The following NLRC3 variants were observed in gnomAD, a reference collection of about 807,000 sequenced individuals.
NLRC3 encodes NLR family CARD domain containing 3.
Under a neutral mutation model 91.6 loss-of-function variants are expected in NLRC3, and 87 were observed. The ratio of observed to expected loss-of-function variants is 0.95; its 90% CI spans 0.80 to 1.14. NLRC3 has a LOEUF of 1.14. NLRC3 is among the 50% of genes most tolerant of loss of function. NLRC3 has a pLI of 0.00. For synonymous variants in NLRC3, 694 were observed against 625.3 expected (o/e 1.11, Z -1.64); for missense variants, 1,577 against 1,418.6 (o/e 1.11, Z -1.79).
intron 16 of NLRC3, chr16:3,543,985 C>G (rs1338161428): frequency 2.2e-6 from 1 of 448,938 alleles, no homozygotes; most frequent in Non-Finnish European, 4.0e-6. Context: ...GAAACCCCGT[C>G]TCTACTAAAA....
chr16:3,542,734 A>G lies in NLRC3; in HGVS notation c.2981T>C (p.Leu994Pro). ...TGAGTTTACCTTCAGAGCATTTGCC[A>G]GGGCTTTGGCTCCAGCCACCCCAAT... is the stretch of plus-strand genomic sequence containing the variant. Reference protein sequence around the residue: ...NAIGVAGAKALANALKVNSSL... With the variant: ...NAIGVAGAKAPANALKVNSSL... The change falls in exon 18 of 20, where the codon CTG becomes CCG. Residue 994 changes from leucine (L) to proline (P), a missense_variant. By Grantham distance (98) the Leu-to-Pro change is moderately conservative. Transcript: ENST00000359128. 6.2e-7 allele frequency: 1 copy of G among 1,610,744 alleles called. No individual in the cohort carries two copies. Among genetic ancestry groups the G allele is most frequent in the Non-Finnish European group, 8.5e-7 (1 of 1,178,590 alleles).
At chr16:3,544,141 G>A (rs1356580864) in intron 16 of NLRC3, 105 bp downstream of exon 16, 4 of 692,100 alleles carry the variant, frequency 5.8e-6, no homozygotes, top group Non-Finnish European at 1.0e-5. Context: ...CTGGGTGGCA[G>A]AGCAAGACTC....
chr16:3,562,179 G>A (rs1465044246), intron 5 of NLRC3, among the ~76,000 whole-genome samples: 5 of 152,188 alleles, frequency 3.3e-5, no homozygotes, highest in Non-Finnish European at 7.3e-5. Context: ...TTCTGAGGGG[G>A]TTATGAATTG....
rs1405074383 is a variant in NLRC3 at position 3,548,203 on chromosome 16, G to A, written c.2703C>T (p.Phe901=). The A allele has an allele frequency of 1.3e-6, 2 of 1,593,586 alleles. No individual in the cohort carries two copies. Among genetic ancestry groups the A allele is most frequent in the East Asian group, 4.5e-5 (2 of 44,110 alleles). ...TLTSLHLQWN[F]IQAGAAQALG... Reference sequence around the variant, plus strand: ...GGGCCTGGGCAGCGCCGGCCTGGATGAAGTTCCACTGCAGGCTGGGCAGAC... The same window carrying A: ...GGGCCTGGGCAGCGCCGGCCTGGATAAAGTTCCACTGCAGGCTGGGCAGAC... The change falls in exon 15 of 20, where the codon TTC becomes TTT. Residue 901 remains phenylalanine, a synonymous_variant. Coordinates refer to ENST00000359128, the MANE Select transcript of NLRC3 (RefSeq NM_178844.4).
In NLRC3 at chr16:3,564,226, C is replaced by A; in HGVS notation, c.711G>T (p.Thr237=). The A allele has an allele frequency of 6.2e-7, 1 of 1,613,196 alleles. No homozygotes were observed. Among genetic ancestry groups the A allele is most frequent in the South Asian group, 1.1e-5 (1 of 91,036 alleles). Residue 237 remains threonine, a synonymous_variant, in exon 5 of 20, where the codon ACG becomes ACT. Transcript: ENST00000359128. This position sits in a 1 kb window ranked among gnomAD's most constrained non-coding sequence, Gnocchi z 5.9. ...PLDFSNTVAC[T]DPKKEIPVDH... is the part of the protein sequence containing the mutation. Reference sequence around the variant, plus strand: ...CCACCGGGATCTCCTTCTTTGGGTCCGTGCAGGCCACGGTGTTGGAGAAGT... The same window carrying A: ...CCACCGGGATCTCCTTCTTTGGGTCAGTGCAGGCCACGGTGTTGGAGAAGT...
chr16:3,544,168 A>C, intron 16 of NLRC3, 78 bp downstream of exon 16: 1 of 871,992 alleles, frequency 1.1e-6, no homozygotes, highest in Non-Finnish European at 1.8e-6. Context: ...CGAGGAAAAA[A>C]AAAAAAAAAA....
chr16:3,554,848 G>A (rs1167155101), intron 8 of NLRC3, among the ~76,000 whole-genome samples: 1 of 152,152 alleles, frequency 6.6e-6, no homozygotes, highest in African/African-American at 2.4e-5. Flanking sequence ...ATAACCAAAA[G>A]GTGGAAACAA....
intron 1 of NLRC3, among the ~76,000 whole-genome samples, chr16:3,574,963 AAAT>A (rs58835082): frequency 0.31 from 47,509 of 151,876 alleles, 8,524 homozygotes; most frequent in African/African-American, 0.5. Flanking sequence ...CTGTCTCAAA[AAAT>A]AATGATAAAA....
At position 3,549,894 on chromosome 16, in the gene NLRC3, G is replaced by A. The variant is rs142285117; in HGVS notation, c.2436-114C>T. 7.3e-3 allele frequency: 4,801 copies of A among 661,838 alleles called. 27 individuals are homozygous for A. The highest frequency in any genetic ancestry group is 0.01 in the Middle Eastern group (25 of 2,434). 41.0% of individuals were successfully genotyped at this position (661,838 alleles called of 1,614,324 possible). ...TCAACAGGGAGTTGGGGGCTCCAGG[G>A]ACAGTGGTGGCCACACTGCTTCTCT... On this transcript the variant is annotated intron_variant, in intron 11 of 19. Transcript: ENST00000359128.
rs2039789544 is a variant in NLRC3, at chr16:3,564,607, C to T, written c.330G>A (p.Glu110=). The T allele has an allele frequency of 1.2e-6, 2 of 1,610,634 alleles. No homozygotes were observed. Among genetic ancestry groups the T allele is most frequent in the South Asian group, 2.2e-5 (2 of 91,068 alleles). The change falls in exon 5 of 20, where the codon GAG becomes GAA. Residue 110 remains glutamate, a synonymous_variant. Transcript: ENST00000359128. This position sits in a 1 kb window ranked among gnomAD's most constrained non-coding sequence, Gnocchi z 5.9. Reference sequence around the variant, plus strand: ...CGGGGTGCCCGCCCCCGCGGGTGGCCTCCACCTGTGTGAAGTCGTGTTCCC... The same window carrying T: ...CGGGGTGCCCGCCCCCGCGGGTGGCTTCCACCTGTGTGAAGTCGTGTTCCC... ...QLREHDFTQV[E]ATRGGGHPAR... is the part of the protein sequence containing the mutation.
In NLRC3 at chr16:3,565,063, G is replaced by C; in HGVS notation, c.-24-3C>G. On this transcript the variant is annotated splice_polypyrimidine_tract_variant and splice_region_variant and intron_variant, in intron 3 of 19. Coordinates refer to ENST00000359128, the MANE Select transcript of NLRC3 (RefSeq NM_178844.4). ...GAGTCGGGGATCACCTCCAGGAGCTGTGAAGAGAGGGCCTGAACCTGCTGC... is the reference window on the plus strand; with the variant it reads ...GAGTCGGGGATCACCTCCAGGAGCTCTGAAGAGAGGGCCTGAACCTGCTGC... The C allele has an allele frequency of 6.2e-7, 1 of 1,601,260 alleles. No homozygotes were observed. The highest frequency in any genetic ancestry group is 8.5e-7 in the Non-Finnish European group (1 of 1,176,606).
chr16:3,566,786 G>A (rs2039901509), intron 2 of NLRC3, among the ~76,000 whole-genome samples: 1 of 152,110 alleles, frequency 6.6e-6, no homozygotes, highest in Admixed American at 6.6e-5. Flanking sequence ...AGCTACTCAG[G>A]AGGCTGAGGC....
intron 1 of NLRC3, among the ~76,000 whole-genome samples, chr16:3,574,344 T>C (rs2040207188): frequency 6.6e-6 from 1 of 151,938 alleles, no homozygotes; most frequent in Non-Finnish European, 1.5e-5. Context: ...CCCAGAGATT[T>C]GATTGGTCTG....
Position 3,548,681 on chromosome 16 carries a change from G to GA in NLRC3, c.2675dup (p.Thr893HisfsTer41). 6.3e-7 allele frequency: 1 copy of GA among 1,588,832 alleles called. No homozygotes were observed. The stretch of plus-strand genomic sequence containing the variant: ...AGCTGCAGACTCACTGAAGGGAGGT[G>GA]AGGGTGCGGTTTTCTCTCACTGCCA... On this transcript the variant is annotated frameshift_variant, in exon 14 of 20. Coordinates refer to ENST00000359128, the MANE Select transcript of NLRC3 (RefSeq NM_178844.4). LOFTEE classifies it high-confidence loss of function.
At chr16:3,560,860 C>T (rs1319995002) in intron 6 of NLRC3, among the ~76,000 whole-genome samples, 2 of 151,560 alleles carry the variant, frequency 1.3e-5, no homozygotes, top group African/African-American at 2.4e-5. Context: ...AGGGTTTCAC[C>T]GTGTTAGTCA....
intron 1 of NLRC3, among the ~76,000 whole-genome samples, chr16:3,570,140 A>G (rs2040046587): frequency 6.6e-6 from 1 of 151,984 alleles, no homozygotes; most frequent in Admixed American, 6.6e-5. Context: ...GTGCTGTATA[A>G]TCTACTGCCT....
intron 17 of NLRC3, chr16:3,543,174 C>A (rs1014163773): frequency 3.9e-6 from 2 of 511,174 alleles, no homozygotes; most frequent in Non-Finnish European, 7.1e-6. Context: ...CAAGATCAGC[C>A]CCCCTGGGAC....
At chr16:3,547,599 T>C (rs2038758488) in intron 15 of NLRC3, among the ~76,000 whole-genome samples, 1 of 152,146 alleles carries the variant, frequency 6.6e-6, no homozygotes, top group Non-Finnish European at 1.5e-5. Context: ...TGTACATATA[T>C]GTATGTGTAT....
At chr16:3,558,932 T>G (rs542419065) in intron 6 of NLRC3, among the ~76,000 whole-genome samples, 28 of 152,234 alleles carry the variant, frequency 1.8e-4, no homozygotes, top group Admixed American at 4.6e-4. Flanking sequence ...CCACCACACC[T>G]GGCTAGTTTT....
Sources: gnomAD v4.1 joint callset for allele counts (sites outside exome capture counted in the v4.1 genomes callset) on GRCh38, gnomAD v4.1.1 for gene constraint, Gnocchi (gnomAD v3.1) non-coding constraint, MANE v1.5 for transcripts, NCBI Gene and HGNC (gene_info 2026-07-23, HGNC 2026-07-21) for gene names.